Variants in NALF1 observed in about 807,000 individuals in gnomAD.
NALF1 encodes the protein family with sequence similarity 155 member A.
In NALF1, 3 loss-of-function variants were observed where a neutral mutation model predicts 48.4. The observed-to-expected ratio is 0.06, with a 90% CI of 0.03 to 0.16. The LOEUF is 0.16. Ranked by LOEUF, NALF1 falls within the 10% of genes least tolerant of loss-of-function variation. The pLI, the probability that NALF1 is intolerant of heterozygous loss-of-function variation, is 1.00. For synonymous variants in NALF1, 262 were observed against 245.7 expected (o/e 1.07, Z -0.62); for missense variants, 526 against 571.5 (o/e 0.92, Z 0.81).
chr13:107,301,290 A>G (rs1335901011), intron 1 of NALF1, among the ~76,000 whole-genome samples: 3 of 152,210 alleles, frequency 2.0e-5, no homozygotes, highest in Non-Finnish European at 4.4e-5. Context: ...AGACCAAAAC[A>G]AAGGACCACT....
At position 107,362,613 on chromosome 13, in the gene NALF1, T is replaced by C. The variant is rs1883083977; in HGVS notation, c.916-151858A>G. ...CACCCTAATGACCTCATCTTAATCA[T>C]CTGTGAAGGCCTTATTTCCAAATAA... On this transcript the variant is annotated intron_variant, in intron 1 of 2. Transcript: ENST00000375915. The surrounding 1 kb of genome is among the most constrained non-coding windows in gnomAD (Gnocchi z 4.6). 6.6e-6 allele frequency among the ~76,000 whole-genome samples: 1 copy of C among 152,126 alleles called. No individual in the cohort carries two copies. Among genetic ancestry groups the C allele is most frequent in the Non-Finnish European group, 1.5e-5 (1 of 68,026 alleles).
At chr13:107,821,030 C>T (rs1022502574) in intron 1 of NALF1, among the ~76,000 whole-genome samples, 11 of 152,126 alleles carry the variant, frequency 7.2e-5, no homozygotes, top group Non-Finnish European at 1.0e-4. Context: ...TCATAATATG[C>T]GCATGTGCAT....
chr13:107,311,339 C>A (rs1882041455), intron 1 of NALF1, among the ~76,000 whole-genome samples: 1 of 152,074 alleles, frequency 6.6e-6, no homozygotes, highest in East Asian at 1.9e-4. Context: ...AATTCTAGAG[C>A]TATCTAAAAA....
intron 2 of NALF1, among the ~76,000 whole-genome samples, chr13:107,186,657 T>C (rs1566444906): frequency 6.6e-6 from 1 of 152,202 alleles, no homozygotes; most frequent in East Asian, 1.9e-4. Context: ...TGAGCCACCA[T>C]GCCCGGCCCA....
At chr13:107,296,492 A>G (rs1881729765) in intron 1 of NALF1, among the ~76,000 whole-genome samples, 1 of 152,198 alleles carries the variant, frequency 6.6e-6, no homozygotes, top group Non-Finnish European at 1.5e-5. Context: ...GCAGAGAGCA[A>G]AGATGCAGGA....
intron 1 of NALF1, among the ~76,000 whole-genome samples, chr13:107,751,620 C>T (rs1258916722): frequency 1.3e-5 from 2 of 152,088 alleles, no homozygotes; most frequent in African/African-American, 4.8e-5. Flanking sequence ...ATATTACCTG[C>T]TGAATGACAC....
chr13:107,653,098 T>C (rs1880487841), intron 1 of NALF1, among the ~76,000 whole-genome samples: 1 of 149,898 alleles, frequency 6.7e-6, no homozygotes, highest in Admixed American at 6.6e-5. Flanking sequence ...GTGTTGCTTT[T>C]AGTTTTAGAC....
chr13:107,755,474 C>A (rs1231559627), intron 1 of NALF1, among the ~76,000 whole-genome samples: 2 of 151,516 alleles, frequency 1.3e-5, no homozygotes, highest in Admixed American at 1.3e-4. Flanking sequence ...TCCAAAATGT[C>A]TTTTTCATGA....
chr13:107,782,764 G>A (rs1594263039), intron 1 of NALF1, among the ~76,000 whole-genome samples: 1 of 149,678 alleles, frequency 6.7e-6, no homozygotes, highest in Non-Finnish European at 1.5e-5. Flanking sequence ...GGGAGGTGAG[G>A]AGCGTCTCTG....
chr13:107,324,090 C>T (rs181808402), intron 1 of NALF1, among the ~76,000 whole-genome samples: 3 of 152,238 alleles, frequency 2.0e-5, no homozygotes, highest in Non-Finnish European at 4.4e-5. Context: ...GCCTAGGCAA[C>T]AGACAAATGA....
intron 1 of NALF1, among the ~76,000 whole-genome samples, chr13:107,560,602 A>G (rs1209544617): frequency 3.3e-5 from 5 of 152,102 alleles, no homozygotes; most frequent in African/African-American, 1.2e-4. Context: ...CAGTTCACCA[A>G]AACTATGTCA....
At chr13:107,197,312 T>C (rs1017354792) in intron 2 of NALF1, among the ~76,000 whole-genome samples, 1 of 152,302 alleles carries the variant, frequency 6.6e-6, no homozygotes, top group South Asian at 2.1e-4. Context: ...TAACATCATA[T>C]TGTATATCTT....
In NALF1 at chr13:107,723,704, G is replaced by A. The variant is rs1337003414; in HGVS notation, c.915+141978C>T. On this transcript the variant is annotated intron_variant, in intron 1 of 2. Transcript: ENST00000375915. ...AACTTTCTTAACGACCTCTTACAGC[G>A]CACATGCAAACGAAGTAGACTTGTG... 3.3e-5 allele frequency among the ~76,000 whole-genome samples: 5 copies of A among 152,154 alleles called. No individual in the cohort carries two copies. The East Asian group carries it at 7.7e-4, about 23-fold the overall frequency.
intron 1 of NALF1, among the ~76,000 whole-genome samples, chr13:107,337,860 C>CAAT (rs1241418250): frequency 1.3e-5 from 2 of 152,056 alleles, no homozygotes; most frequent in African/African-American, 2.4e-5. Flanking sequence ...CTGTGCAATG[C>CAAT]AATAATAATA....
At chr13:107,325,575 C>T (rs904637824) in intron 1 of NALF1, among the ~76,000 whole-genome samples, 9 of 152,002 alleles carry the variant, frequency 5.9e-5, no homozygotes, top group Non-Finnish European at 1.0e-4. Context: ...CAGTGGCTCA[C>T]GCCTGTAATC....
intron 1 of NALF1, among the ~76,000 whole-genome samples, chr13:107,627,025 A>C (rs1879692600): frequency 6.6e-6 from 1 of 152,100 alleles, no homozygotes; most frequent in South Asian, 2.1e-4. Context: ...GACATTATAC[A>C]AGGAGCAATT....
rs1248698354 is a variant in NALF1, at chr13:107,347,031, A to G, written c.916-136276T>C. 3.3e-5 allele frequency among the ~76,000 whole-genome samples: 5 copies of G among 152,158 alleles called. No individual in the cohort carries two copies. In the East Asian group the frequency reaches 5.8e-4, roughly 18 times the overall value. ...AATTTTCTTATTTCTTTTTTAAATT[A>G]GGGGTCCACTTTTTTAAATTAGAAA... On this transcript the variant is annotated intron_variant, in intron 1 of 2. Transcript: ENST00000375915.
intron 1 of NALF1, among the ~76,000 whole-genome samples, chr13:107,537,828 G>A (rs1490085286): frequency 9.2e-5 from 14 of 152,046 alleles, no homozygotes; most frequent in Admixed American, 8.5e-4. Context: ...GACCAGCCTG[G>A]CCAACATGGT....
rs528675729 is a variant in NALF1, at chr13:107,430,610, A to C, written c.916-219855T>G. On this transcript the variant is annotated intron_variant, in intron 1 of 2. Coordinates refer to ENST00000375915, the MANE Select transcript of NALF1 (RefSeq NM_001080396.3). ...TTATGGTTTCCAGCTTCATCCATGT[A>C]CCTACAAAGGACATGAACTCATCAT... 2.8e-3 allele frequency among the ~76,000 whole-genome samples: 431 copies of C among 152,184 alleles called. 4 individuals are homozygous for C. Among genetic ancestry groups the C allele is most frequent in the African/African-American group, 9.7e-3 (401 of 41,514 alleles).
Sources: allele counts gnomAD v4.1 joint callset (sites outside exome capture counted in the v4.1 genomes callset), GRCh38; gene constraint gnomAD v4.1.1; non-coding constraint Gnocchi (gnomAD v3.1); transcripts MANE v1.5; gene names NCBI Gene and HGNC (gene_info 2026-07-23, HGNC 2026-07-21).